The following M1AP variants were observed in gnomAD, a reference collection of about 807,000 sequenced individuals.
M1AP encodes meiosis 1 associated protein, also known as meiosis 1 arrest protein.
Under a neutral mutation model 51.2 loss-of-function variants are expected in M1AP, and 39 were observed. The ratio of observed to expected loss-of-function variants is 0.76; its 90% confidence interval spans 0.59 to 1.00. The LOEUF (loss-of-function observed/expected upper bound fraction) is 1.00. Among genes scored for constraint, M1AP ranks in the 50% least tolerant of loss-of-function variants. The pLI, the probability that M1AP is intolerant of heterozygous loss-of-function variation, is 0.00. For synonymous variants in M1AP, 251 were observed against 249.2 expected (o/e 1.01, Z -0.07); for missense variants, 545 against 641.2 (o/e 0.85, Z 1.62).
At chr2:74,596,438 C>T (rs1212708391) in intron 4 of M1AP, among the ~76,000 whole-genome samples, 5 of 152,052 alleles carry the variant, frequency 3.3e-5, no homozygotes, top group South Asian at 2.1e-4. Flanking sequence ...AAAAATTTGC[C>T]GGGCGTGGTG....
At chr2:74,633,672 T>C (rs755721738) in intron 2 of M1AP, among the ~76,000 whole-genome samples, 12 of 152,210 alleles carry the variant, frequency 7.9e-5, no homozygotes, top group Non-Finnish European at 1.8e-4. Flanking sequence ...ACCAGTGCTA[T>C]GGTCCCTTTA....
At chr2:74,639,286 TTCC>T (rs1172953045) in intron 2 of M1AP, among the ~76,000 whole-genome samples, 1 of 152,264 alleles carries the variant, frequency 6.6e-6, no homozygotes, top group Non-Finnish European at 1.5e-5. Context: ...TTTATGAAAT[TTCC>T]TCTTTTGGAA....
At chr2:74,606,111 G>A (rs761889584) in intron 4 of M1AP, among the ~76,000 whole-genome samples, 1 of 152,206 alleles carries the variant, frequency 6.6e-6, no homozygotes, top group Non-Finnish European at 1.5e-5. Context: ...GCAAATGAGT[G>A]AGGTCTCCAC....
intron 2 of M1AP, among the ~76,000 whole-genome samples, chr2:74,627,718 A>C (rs1682482654): frequency 6.6e-6 from 1 of 152,122 alleles, no homozygotes; most frequent in East Asian, 1.9e-4. Context: ...TAAGTAAATG[A>C]CTTCTTGCAA....
rs1491131214 is a variant in M1AP at position 74,584,829 on chromosome 2, T to TA, written c.596-2983_596-2982insT. 4.1e-5 allele frequency among the ~76,000 whole-genome samples: 6 copies of TA among 147,158 alleles called. No homozygotes were observed. The East Asian group carries it at 9.8e-4, about 24-fold the overall frequency. On this transcript the variant is annotated intron_variant, in intron 4 of 10. Transcript: ENST00000421985. ...CCATATATATATATATATATATATA[T>TA]TTTATTATTATTTTTTTATTTTATT...
chr2:74,648,060 C>T (rs1465445255), intron 1 of M1AP: 14 of 985,408 alleles, frequency 1.4e-5, no homozygotes, highest in Non-Finnish European at 1.6e-5. Flanking sequence ...GGCCTGGCCG[C>T]CCAGAACAGT....
intron 3 of M1AP, among the ~76,000 whole-genome samples, chr2:74,610,633 T>C (rs923483158): frequency 6.6e-6 from 1 of 152,090 alleles, no homozygotes; most frequent in Non-Finnish European, 1.5e-5. Flanking sequence ...AAAAAGTTTT[T>C]TTCGTAGTGG....
chr2:74,597,682 CT>C (rs1386955800), intron 4 of M1AP, among the ~76,000 whole-genome samples: 6 of 152,146 alleles, frequency 3.9e-5, no homozygotes, highest in Non-Finnish European at 7.4e-5. Context: ...ACCTGATATC[CT>C]TGTGTATGAC....
chr2:74,581,422 A>C (rs1679399228), intron 5 of M1AP, among the ~76,000 whole-genome samples: 1 of 152,224 alleles, frequency 6.6e-6, no homozygotes, highest in African/African-American at 2.4e-5. Context: ...TCTGTCATTG[A>C]GGTGTCTCAG....
intron 2 of M1AP, among the ~76,000 whole-genome samples, chr2:74,637,949 T>A (rs1430593192): frequency 2.6e-5 from 4 of 152,248 alleles, no homozygotes; most frequent in African/African-American, 9.6e-5. Flanking sequence ...CTCTCTGAAG[T>A]CCCAGATCCA....
chr2:74,607,257 C>A (rs1355955425), intron 3 of M1AP, 34 bp from the exon 4 acceptor site: 11 of 1,603,010 alleles, frequency 6.9e-6, no homozygotes, highest in Non-Finnish European at 9.4e-6. Context: ...TGTGTCTATT[C>A]TCCCTGATGT....
chr2:74,620,691 T>C (rs1054782049), intron 2 of M1AP: 7 of 216,152 alleles, frequency 3.2e-5, no homozygotes, highest in Non-Finnish European at 4.0e-5. Context: ...CTGGTACAGT[T>C]TTTTATCTTT....
chr2:74,561,082 G>GAGGAGGAGAAGGAGA (rs1558643513), intron 8 of M1AP, among the ~76,000 whole-genome samples: 34 of 72,328 alleles, frequency 4.7e-4, no homozygotes, highest in Non-Finnish European at 7.8e-4. Flanking sequence ...GGAGGAGGAG[G>GAGGAGGAGAAGGAGA]AGGAGGAGAA....
At position 74,620,573 on chromosome 2, in the gene M1AP, C is replaced by G. The variant is rs987384827; in HGVS notation, c.241-5424G>C. 3.1e-5 allele frequency: 5 copies of G among 161,602 alleles called. No individual in the cohort carries two copies. In the East Asian group the frequency reaches 7.8e-4, roughly 25 times the overall value. 10.0% of individuals were successfully genotyped at this position (161,602 alleles called of 1,614,324 possible). A position where few individuals can be genotyped will look rare whatever the true frequency, so the allele number is the denominator to read the frequency against. On this transcript the variant is annotated intron_variant, in intron 2 of 10. Coordinates refer to ENST00000421985, the MANE Select transcript of M1AP (RefSeq NM_001321739.2). ...CAAGTGTGTCTTAACTCAGTGGAGCCTGGGGCTACTGCAATGCAAAGAAAA... is the reference window on the plus strand; with the variant it reads ...CAAGTGTGTCTTAACTCAGTGGAGCGTGGGGCTACTGCAATGCAAAGAAAA...
intron 7 of M1AP, among the ~76,000 whole-genome samples, chr2:74,572,334 C>T (rs1333039039): frequency 6.6e-6 from 1 of 152,066 alleles, no homozygotes; most frequent in Non-Finnish European, 1.5e-5. Context: ...TCTTTCTTTC[C>T]CACCCCCCCT....
intron 2 of M1AP, chr2:74,619,385 T>C: frequency 5.3e-6 from 1 of 187,284 alleles, no homozygotes; most frequent in Non-Finnish European, 1.2e-5. Context: ...TAACTGGTCC[T>C]AGACCAACCA....
At chr2:74,628,591 T>G in intron 2 of M1AP, 1 of 600,094 alleles carries the variant, frequency 1.7e-6, no homozygotes, top group South Asian at 1.5e-5. Flanking sequence ...TCTGACACAG[T>G]TTTATTATCT....
At chr2:74,638,531 G>C (rs1683112580) in intron 2 of M1AP, among the ~76,000 whole-genome samples, 1 of 152,158 alleles carries the variant, frequency 6.6e-6, no homozygotes, top group Non-Finnish European at 1.5e-5. Context: ...TGTTACTTTT[G>C]AGACTAAGAC....
intron 4 of M1AP, among the ~76,000 whole-genome samples, chr2:74,606,544 T>C (rs1423445061): frequency 6.6e-6 from 1 of 152,134 alleles, no homozygotes; most frequent in African/African-American, 2.4e-5. Context: ...TATGTGTATA[T>C]ATGTATCTAT....
Sources: allele counts gnomAD v4.1 joint callset (sites outside exome capture counted in the v4.1 genomes callset), GRCh38; gene constraint gnomAD v4.1.1; transcripts MANE v1.5; gene names NCBI Gene and HGNC (gene_info 2026-07-23, HGNC 2026-07-21).